Variants in ARIH1 observed in about 807,000 individuals in gnomAD.
The protein encoded by ARIH1 is E3 ubiquitin-protein ligase ARIH1.
In ARIH1, 8 loss-of-function variants were observed where a neutral mutation model predicts 85.0. The ratio of observed to expected loss-of-function variants is 0.09; its 90% CI spans 0.06 to 0.17. The LOEUF is 0.17. ARIH1 is among the 10% of genes least tolerant of loss of function. The pLI is 1.00. For missense variants in ARIH1, 311 were observed against 718.1 expected, an observed-to-expected ratio of 0.43 and a Z score of 6.48; for synonymous variants, 238 against 253.6, an observed-to-expected ratio of 0.94 and a Z score of 0.59.
intron 1 of ARIH1, among the ~76,000 whole-genome samples, chr15:72,504,562 C>T (rs2063916904): frequency 6.6e-6 from 1 of 152,108 alleles, no homozygotes; most frequent in Admixed American, 6.5e-5. Flanking sequence ...CCTCTGAAGT[C>T]CAGGGACCTC....
At chr15:72,577,622 G>A (rs1003997333) in intron 11 of ARIH1, among the ~76,000 whole-genome samples, 56 of 152,152 alleles carry the variant, frequency 3.7e-4, no homozygotes, top group African/African-American at 1.3e-3. Flanking sequence ...GTGGAGAGCC[G>A]AGATCGCACC....
chr15:72,482,909 C>G lies in ARIH1; in HGVS notation c.375+7895C>G, dbSNP rs563316497. On this transcript the variant is annotated intron_variant, in intron 1 of 13. Coordinates refer to ENST00000379887, the MANE Select transcript of ARIH1 (RefSeq NM_005744.5). ...AGGCTGGAGTGCAATGGCATAATCT[C>G]GGCTCATTGCAACCCTCACCTCTTG... Among the ~76,000 whole-genome samples the G allele has an allele frequency of 2.6e-3, 384 of 149,612 alleles. 1 individual carries two copies. The highest frequency in any genetic ancestry group is 4.6e-3 in the Non-Finnish European group (311 of 67,714).
intron 1 of ARIH1, among the ~76,000 whole-genome samples, chr15:72,511,187 A>G (rs2063949152): frequency 6.6e-6 from 1 of 152,204 alleles, no homozygotes; most frequent in Non-Finnish European, 1.5e-5. Context: ...CGTTCTTCAC[A>G]TATTAAATTT....
chr15:72,477,981 A>G (rs1165500809), intron 1 of ARIH1, among the ~76,000 whole-genome samples: 3 of 151,866 alleles, frequency 2.0e-5, no homozygotes, highest in African/African-American at 7.3e-5. Context: ...AGGCCCAGCT[A>G]ATTCTTGTGT....
Position 72,599,006 on chromosome 15 carries a change from T to G in ARIH1, c.*15714T>G, listed in dbSNP as rs2140448343. 6.6e-6 allele frequency: 1 copy of G among 151,832 alleles called. No homozygotes were observed. The highest frequency in any genetic ancestry group is 2.0e-4 in the East Asian group (1 of 5,110). 9.4% of individuals were successfully genotyped at this position (151,832 alleles called of 1,614,324 possible). A position where few individuals can be genotyped will look rare whatever the true frequency, so the allele number is the denominator to read the frequency against. ...TGGTTAGGAATGGGAGTTTAAACAA[T>G]GGTTTTATTTACATATTTCATTAGC... On this transcript the variant is annotated 3_prime_UTR_variant, in exon 14 of 14. Coordinates refer to ENST00000379887, the MANE Select transcript of ARIH1 (RefSeq NM_005744.5).
At chr15:72,486,054 CAGT>C (rs2063836244) in intron 1 of ARIH1, among the ~76,000 whole-genome samples, 2 of 152,068 alleles carry the variant, frequency 1.3e-5, no homozygotes, top group Non-Finnish European at 2.9e-5. Context: ...TTTATAAAGT[CAGT>C]AGATTTCTAT....
rs2064385839 is a variant in ARIH1 at position 72,602,611 on chromosome 15, G to A, written c.*19319G>A. The A allele has an allele frequency of 6.6e-6, 1 of 152,166 alleles. No homozygotes were observed. The highest frequency in any genetic ancestry group is 2.1e-4 in the South Asian group (1 of 4,836). The allele number at this position is 152,166 out of a possible 1,614,324, so 9.4% of individuals were successfully genotyped here. On this transcript the variant is annotated 3_prime_UTR_variant, in exon 14 of 14. Transcript: ENST00000379887. The stretch of plus-strand genomic sequence containing the variant: ...TCCTGAATTTTATATGGGCCTAAGA[G>A]TCTTACTGAAAATTGGAAGTCTTAA...
At chr15:72,517,392 G>A (rs542066144) in intron 1 of ARIH1, among the ~76,000 whole-genome samples, 1 of 152,102 alleles carries the variant, frequency 6.6e-6, no homozygotes, top group East Asian at 1.9e-4. Context: ...ACATGCGATC[G>A]TGCCTGAGTG....
At chr15:72,477,490 T>G (rs951242185) in intron 1 of ARIH1, among the ~76,000 whole-genome samples, 1 of 152,326 alleles carries the variant, frequency 6.6e-6, no homozygotes, top group Admixed American at 6.5e-5. Flanking sequence ...TGAAAAAGTT[T>G]GAAATGTAAA....
rs184394659 is a variant in ARIH1 at position 72,572,174 on chromosome 15, A to G, written c.1215+9A>G. On this transcript the variant is annotated intron_variant, in intron 11 of 13. Coordinates refer to ENST00000379887, the MANE Select transcript of ARIH1 (RefSeq NM_005744.5). Reference sequence around the variant, plus strand: ...CAAGAGATGCACAGGAGGTAAGTATATGTATAACAGGACAATAGTTGACTA... The same window carrying G: ...CAAGAGATGCACAGGAGGTAAGTATGTGTATAACAGGACAATAGTTGACTA... The G allele has an allele frequency of 1.6e-4, 259 of 1,581,542 alleles. 3 individuals carry two copies. In the East Asian group the frequency reaches 3.3e-3, roughly 20 times the overall value.
intron 1 of ARIH1, among the ~76,000 whole-genome samples, chr15:72,480,519 C>G (rs2063812195): frequency 6.6e-6 from 1 of 151,834 alleles, no homozygotes; most frequent in African/African-American, 2.4e-5. Context: ...CCTTGGCCTC[C>G]CAGAGTGTTG....
intron 1 of ARIH1, among the ~76,000 whole-genome samples, chr15:72,504,595 C>T (rs931012643): frequency 3.3e-5 from 5 of 152,046 alleles, no homozygotes; most frequent in Non-Finnish European, 5.9e-5. Flanking sequence ...CCGCTTCTCT[C>T]GTTCGTCTTT....
intron 11 of ARIH1, among the ~76,000 whole-genome samples, chr15:72,576,527 A>C (rs1035057764): frequency 6.6e-6 from 1 of 151,522 alleles, no homozygotes; most frequent in Admixed American, 6.6e-5. Flanking sequence ...AAAAAAAAAA[A>C]AAACCCTTTG....
chr15:72,531,006 A>G (rs1266439297), intron 2 of ARIH1, among the ~76,000 whole-genome samples: 1 of 152,234 alleles, frequency 6.6e-6, no homozygotes, highest in Admixed American at 6.5e-5. Flanking sequence ...CCCAAATGTC[A>G]TAGATTGAAG....
At chr15:72,527,466 A>G (rs933332473) in intron 2 of ARIH1, among the ~76,000 whole-genome samples, 14 of 151,552 alleles carry the variant, frequency 9.2e-5, no homozygotes, top group African/African-American at 2.4e-4. Context: ...ACCTGGAGGG[A>G]TGGGAAAGTG....
chr15:72,597,683 G>T lies in ARIH1; in HGVS notation c.*14391G>T, dbSNP rs2064368313. The T allele has an allele frequency of 6.6e-6, 1 of 152,112 alleles. No individual in the cohort carries two copies. The highest frequency in any genetic ancestry group is 1.5e-5 in the Non-Finnish European group (1 of 68,040). 9.4% of individuals were successfully genotyped at this position (152,112 alleles called of 1,614,324 possible). A position where few individuals can be genotyped will look rare whatever the true frequency, so the allele number is the denominator to read the frequency against. ...GTTCCTTCTATTATCCACACCTTTA[G>T]TGTACTACACCTTCCTGTACCTGGT... On this transcript the variant is annotated 3_prime_UTR_variant, in exon 14 of 14. Coordinates refer to ENST00000379887, the MANE Select transcript of ARIH1 (RefSeq NM_005744.5).
chr15:72,499,569 ATGTT>A (rs1431371160), intron 1 of ARIH1, among the ~76,000 whole-genome samples: 2 of 152,176 alleles, frequency 1.3e-5, no homozygotes, highest in African/African-American at 4.8e-5. Flanking sequence ...ACATCATTGA[ATGTT>A]TGTTTTTATG....
At chr15:72,573,896 A>G (rs1275716611) in intron 11 of ARIH1, among the ~76,000 whole-genome samples, 3 of 151,996 alleles carry the variant, frequency 2.0e-5, no homozygotes, top group Non-Finnish European at 2.9e-5. Flanking sequence ...TCTCCCACCA[A>G]TTTTCTTTTC....
intron 2 of ARIH1, among the ~76,000 whole-genome samples, chr15:72,539,567 A>G (rs1399493898): frequency 2.0e-5 from 3 of 152,228 alleles, no homozygotes; most frequent in Non-Finnish European, 4.4e-5. Flanking sequence ...AAAAGGACAA[A>G]GAAGTAAGTA....
Sources: gnomAD v4.1 joint callset for allele counts (sites outside exome capture counted in the v4.1 genomes callset) on GRCh38, gnomAD v4.1.1 for gene constraint, MANE v1.5 for transcripts, NCBI Gene and HGNC (gene_info 2026-07-23, HGNC 2026-07-21) for gene names.